ARSG: variants seen among roughly 807,000 people sequenced by gnomAD.
The protein encoded by ARSG is ASG.
In ARSG, 37 loss-of-function variants were observed where a neutral mutation model predicts 50.5. The observed-to-expected ratio is 0.73, with a 90% CI of 0.56 to 0.96. The LOEUF (loss-of-function observed/expected upper bound fraction) is 0.96, where lower values mean the gene tolerates loss of function less well. ARSG is among the 50% of genes least tolerant of loss of function. ARSG has a pLI of 0.00. For synonymous variants in ARSG, 225 were observed against 254.6 expected (o/e 0.88, Z 1.11); for missense variants, 629 against 675.3 (o/e 0.93, Z 0.76).
intron 1 of ARSG, among the ~76,000 whole-genome samples, chr17:68,298,615 AAG>A (rs1163017874): frequency 4.1e-5 from 6 of 146,668 alleles, no homozygotes; most frequent in African/African-American, 1.4e-4. Context: ...AAAAAAAAAA[AAG>A]AGAAGAACAC....
At chr17:68,270,966 T>G (rs1555748305) in intron 1 of ARSG, 2 of 1,614,152 alleles carry the variant, frequency 1.2e-6, no homozygotes, top group Non-Finnish European at 1.7e-6. Flanking sequence ...TCCCTCCTAT[T>G]GTTCCAACCA....
intron 9 of ARSG, among the ~76,000 whole-genome samples, chr17:68,391,091 G>T (rs2080972822): frequency 6.6e-6 from 1 of 152,130 alleles, no homozygotes; most frequent in Non-Finnish European, 1.5e-5. Context: ...AGGTTTTAAA[G>T]ACTCCCAGGC....
rs2080239394 is a variant in ARSG at position 68,378,062 on chromosome 17, G to T, written c.983-7002G>T. Among the ~76,000 whole-genome samples, 2 of 152,192 alleles carry T rather than the reference G, an allele frequency of 1.3e-5. No individual in the cohort carries two copies. Among genetic ancestry groups the T allele is most frequent in the Non-Finnish European group, 2.9e-5 (2 of 68,038 alleles). ...CAGCCTCCTTCTTCCTCTCTGCCTG[G>T]AATGCTGCTGGAGCTCTGGGAAGCC... is the stretch of plus-strand genomic sequence containing the variant. On this transcript the variant is annotated intron_variant, in intron 8 of 11. Coordinates refer to ENST00000621439, the MANE Select transcript of ARSG (RefSeq NM_001267727.2). The surrounding 1 kb of genome is among the most constrained non-coding windows in gnomAD (Gnocchi z 4.4).
intron 8 of ARSG, among the ~76,000 whole-genome samples, chr17:68,379,314 C>T (rs1166553343): frequency 6.6e-6 from 1 of 152,064 alleles, no homozygotes; most frequent in Non-Finnish European, 1.5e-5. Context: ...GATCATGGCT[C>T]ACTGCAGCCT....
intron 6 of ARSG, among the ~76,000 whole-genome samples, chr17:68,358,332 C>T (rs892250467): frequency 3.3e-5 from 5 of 152,172 alleles, no homozygotes; most frequent in East Asian, 1.9e-4. Context: ...CCTCCAGGAT[C>T]GCTCGAGGCC....
the ARSG span, among the ~76,000 whole-genome samples, chr17:68,448,897 C>T: frequency 6.6e-6 from 1 of 152,182 alleles, no homozygotes; most frequent in East Asian, 1.9e-4. Context: ...GCCAAGAATG[C>T]AGGTTTCTTT....
intron 8 of ARSG, among the ~76,000 whole-genome samples, chr17:68,374,745 G>A (rs551231858): frequency 3.3e-4 from 50 of 151,756 alleles, no homozygotes; most frequent in African/African-American, 1.2e-3. Flanking sequence ...CCAGCTACTC[G>A]GGAGGCTGAG....
intron 7 of ARSG, 104 bp from the exon 8 acceptor site, chr17:68,370,340 C>T: frequency 6.2e-6 from 6 of 965,994 alleles, no homozygotes; most frequent in Admixed American, 5.0e-5. Flanking sequence ...AGTCCTTTTT[C>T]TATCTAGTTC....
At chr17:68,419,659 G>C (rs945550696) in intron 11 of ARSG, among the ~76,000 whole-genome samples, 3 of 152,154 alleles carry the variant, frequency 2.0e-5, no homozygotes, top group African/African-American at 7.2e-5. Context: ...AGTTCAAGGA[G>C]AACTTCCAAA....
intron 11 of ARSG, among the ~76,000 whole-genome samples, chr17:68,415,662 C>T (rs1211552510): frequency 6.6e-6 from 1 of 152,268 alleles, no homozygotes; most frequent in Middle Eastern, 3.4e-3. Flanking sequence ...TATCTCATTT[C>T]TTACGTTATT....
At chr17:68,436,407 A>G in the ARSG span, 1 of 1,613,650 alleles carries the variant, frequency 6.2e-7, no homozygotes, top group Non-Finnish European at 8.5e-7. Context: ...ATAAAGCACA[A>G]TCTCCCCTGA....
At chr17:68,339,889 G>A (rs773702212) in intron 2 of ARSG, among the ~76,000 whole-genome samples, 62 of 152,102 alleles carry the variant, frequency 4.1e-4, no homozygotes, top group Non-Finnish European at 6.9e-4. Context: ...GATGCTCCGC[G>A]GTTGACACTC....
intron 2 of ARSG, among the ~76,000 whole-genome samples, chr17:68,314,786 G>A (rs1555767950): frequency 6.6e-6 from 1 of 152,214 alleles, no homozygotes; most frequent in Non-Finnish European, 1.5e-5. Context: ...TTCTATGTTA[G>A]CTATGGTTAT....
At chr17:68,265,391 G>A (rs1555746148) in intron 1 of ARSG, among the ~76,000 whole-genome samples, 2 of 152,070 alleles carry the variant, frequency 1.3e-5, no homozygotes, top group African/African-American at 4.8e-5. Context: ...CTACTTGGGA[G>A]GCTGACGCAG....
chr17:68,429,061 C>G, the ARSG span: 1 of 684,152 alleles, frequency 1.5e-6, no homozygotes, highest in Non-Finnish European at 2.6e-6. Context: ...CCTTAGCCCA[C>G]TGATCTGGTC....
chr17:68,271,075 T>A lies in ARSG; in HGVS notation c.-552+11649T>A. The A allele has an allele frequency of 2.5e-6, 4 of 1,614,126 alleles. No homozygotes were observed. In the South Asian group the frequency reaches 4.4e-5, roughly 18 times the overall value. On this transcript the variant is annotated intron_variant, in intron 1 of 11. Coordinates refer to the ARSG transcript ENST00000448504. The surrounding 1 kb of genome is among the most constrained non-coding windows in gnomAD (Gnocchi z 5.3). Reference sequence around the variant, plus strand: ...AGTCAATAAGATGACGCAGATGAGCTCAATGTAAATCTTACGAATGGGCTC... The same window carrying A: ...AGTCAATAAGATGACGCAGATGAGCACAATGTAAATCTTACGAATGGGCTC...
At chr17:68,443,896 T>A in the ARSG span, among the ~76,000 whole-genome samples, 1 of 152,338 alleles carries the variant, frequency 6.6e-6, no homozygotes, top group South Asian at 2.1e-4. Flanking sequence ...CTTGATGAAT[T>A]CATATAATGT....
In ARSG at chr17:68,272,034, C is replaced by T. The variant is rs1300517241; in HGVS notation, c.-552+12608C>T. ...GCCAGGATGGTCTCGATCTCCTGACCTCCTGATCTGCCTGCCTCGGCCTCT... is the reference window on the plus strand; with the variant it reads ...GCCAGGATGGTCTCGATCTCCTGACTTCCTGATCTGCCTGCCTCGGCCTCT... On this transcript the variant is annotated intron_variant, in intron 1 of 11. Transcript: ENST00000448504. 2.6e-5 allele frequency among the ~76,000 whole-genome samples: 4 copies of T among 152,254 alleles called. No individual in the cohort carries two copies. In the East Asian group the frequency reaches 7.7e-4, roughly 29 times the overall value.
chr17:68,316,946 G>C (rs1316994138), intron 2 of ARSG, among the ~76,000 whole-genome samples: 13 of 152,186 alleles, frequency 8.5e-5, no homozygotes, highest in African/African-American at 3.1e-4. Flanking sequence ...GAATCTGCTT[G>C]TTTCTTCTCA....
Sources: gnomAD v4.1 joint callset for allele counts (sites outside exome capture counted in the v4.1 genomes callset) on GRCh38, gnomAD v4.1.1 for gene constraint, Gnocchi (gnomAD v3.1) non-coding constraint, MANE v1.5 for transcripts, NCBI Gene and HGNC (gene_info 2026-07-23, HGNC 2026-07-21) for gene names.